The following ADAMTS20 variants were observed in gnomAD, a reference collection of about 807,000 sequenced individuals.
ADAMTS20 encodes the protein ADAM metallopeptidase with thrombospondin type 1 motif 20.
In ADAMTS20, 225 loss-of-function variants were observed where a neutral mutation model predicts 260.1. The ratio of observed to expected loss-of-function variants is 0.87; its 90% CI spans 0.78 to 0.97. The LOEUF is 0.97. Ranked by LOEUF, ADAMTS20 falls within the 50% of genes least tolerant of loss-of-function variation. The probability of loss-of-function intolerance (pLI) is 0.00; values close to 1 mark genes in which losing one functional copy is unlikely to be tolerated. For synonymous variants in ADAMTS20, 802 were observed against 769.5 expected (o/e 1.04, Z -0.70); for missense variants, 2,400 against 2,337.7 (o/e 1.03, Z -0.55).
At chr12:43,496,404 T>C (rs1239357255) in intron 4 of ADAMTS20, among the ~76,000 whole-genome samples, 1 of 152,236 alleles carries the variant, frequency 6.6e-6, no homozygotes, top group Non-Finnish European at 1.5e-5. Context: ...GACTACTTTA[T>C]CTGATCTTTA....
At chr12:43,408,837 G>C (rs1249406855) in intron 28 of ADAMTS20, among the ~76,000 whole-genome samples, 5 of 152,142 alleles carry the variant, frequency 3.3e-5, no homozygotes, top group Non-Finnish European at 5.9e-5. Context: ...GTAGTAGATG[G>C]AATACTAATC....
intron 28 of ADAMTS20, among the ~76,000 whole-genome samples, chr12:43,407,188 T>A (rs1481372726): frequency 6.6e-6 from 1 of 152,040 alleles, no homozygotes; most frequent in Non-Finnish European, 1.5e-5. Flanking sequence ...TAATCATATT[T>A]AAAATTTGTA....
chr12:43,407,265 G>GA (rs543282509), intron 28 of ADAMTS20, among the ~76,000 whole-genome samples: 172 of 151,576 alleles, frequency 1.1e-3, no homozygotes, highest in African/African-American at 3.9e-3. Flanking sequence ...CAACTTAAAG[G>GA]AAAAAACCAA....
intron 15 of ADAMTS20, among the ~76,000 whole-genome samples, chr12:43,444,456 T>C (rs991932225): frequency 7.9e-5 from 12 of 152,146 alleles, no homozygotes; most frequent in Non-Finnish European, 1.3e-4. Context: ...AAATTTTACA[T>C]TATTTTTACA....
At chr12:43,447,829 C>T (rs554779067) in intron 14 of ADAMTS20, among the ~76,000 whole-genome samples, 148 of 152,168 alleles carry the variant, frequency 9.7e-4, no homozygotes, top group Middle Eastern at 3.4e-3. Flanking sequence ...AACTTACTAC[C>T]ATTCCTACAC....
At chr12:43,452,844 CAATT>C in intron 12 of ADAMTS20, 149 bp from the exon 13 acceptor site, 1 of 687,572 alleles carries the variant, frequency 1.5e-6, no homozygotes, top group Non-Finnish European at 2.3e-6. Context: ...GAGTTTTACG[CAATT>C]CTATGCATAA....
chr12:43,495,181 A>G (rs1015753501), intron 4 of ADAMTS20, among the ~76,000 whole-genome samples: 1 of 152,226 alleles, frequency 6.6e-6, no homozygotes, highest in African/African-American at 2.4e-5. Context: ...TCTGCAAGCT[A>G]GAATTTGGAA....
At chr12:43,477,772 G>A (rs1246820932) in intron 7 of ADAMTS20, among the ~76,000 whole-genome samples, 2 of 152,132 alleles carry the variant, frequency 1.3e-5, no homozygotes, top group Non-Finnish European at 2.9e-5. Context: ...ATGCTATTCT[G>A]AGGGCAAATA....
intron 29 of ADAMTS20, among the ~76,000 whole-genome samples, chr12:43,385,304 CTTTT>C (rs779923909): frequency 6.6e-6 from 1 of 151,492 alleles, no homozygotes; most frequent in African/African-American, 2.4e-5. Context: ...AATGGGGTTG[CTTTT>C]TTCTTGTAAA....
Position 43,377,358 on chromosome 12 carries a change from C to A in ADAMTS20, c.4995+7G>T, listed in dbSNP as rs1462922099. 1.2e-6 allele frequency: 2 copies of A among 1,605,400 alleles called. No individual in the cohort carries two copies. The highest frequency in any genetic ancestry group is 3.4e-5 in the Admixed American group (2 of 59,146). On this transcript the variant is annotated splice_region_variant and intron_variant, in intron 32 of 38. Transcript: ENST00000389420. ...AGAAGTTTTAAAATTCATAATTGTA[C>A]ACCGACCTTGCTCCATTTTCCAACT...
chr12:43,380,619 C>T (rs531901175), intron 31 of ADAMTS20, among the ~76,000 whole-genome samples: 181 of 151,872 alleles, frequency 1.2e-3, no homozygotes, highest in Admixed American at 3.6e-3. Context: ...ACACAAGCAA[C>T]GAATAATAAG....
At chr12:43,499,238 T>A (rs139068616) in intron 4 of ADAMTS20, among the ~76,000 whole-genome samples, 157 of 152,286 alleles carry the variant, frequency 1.0e-3, no homozygotes, top group Admixed American at 2.6e-3. Flanking sequence ...ACAAACCAGA[T>A]GACTGCGTCT....
At chr12:43,529,935 G>A (rs995660505) in intron 3 of ADAMTS20, among the ~76,000 whole-genome samples, 1 of 152,078 alleles carries the variant, frequency 6.6e-6, no homozygotes, top group Non-Finnish European at 1.5e-5. Flanking sequence ...ATGAGTATTT[G>A]TTAGCTAATT....
intron 11 of ADAMTS20, among the ~76,000 whole-genome samples, chr12:43,457,936 T>C (rs188182342): frequency 3.3e-4 from 50 of 152,356 alleles, no homozygotes; most frequent in African/African-American, 1.2e-3. Context: ...GTTCTCACAA[T>C]GGCCTGTGTG....
intron 12 of ADAMTS20, among the ~76,000 whole-genome samples, chr12:43,453,107 C>T (rs11608566): frequency 0.024 from 3,648 of 152,170 alleles, 69 homozygotes; most frequent in East Asian, 0.08. Context: ...TCTTATTTAT[C>T]ACTCAATTCA....
intron 28 of ADAMTS20, among the ~76,000 whole-genome samples, chr12:43,417,720 T>C (rs1310717381): frequency 6.6e-6 from 1 of 152,196 alleles, no homozygotes; most frequent in Non-Finnish European, 1.5e-5. Context: ...GCCCAAAACA[T>C]TATTTTTTAG....
downstream of ADAMTS20, among the ~76,000 whole-genome samples, chr12:43,353,165 C>T (rs1939671023): frequency 6.6e-6 from 1 of 151,718 alleles, no homozygotes; most frequent in Admixed American, 6.6e-5. Flanking sequence ...GTTAAATTAT[C>T]TGCATGAAAA....
At chr12:43,483,338 AGACTGGAG>A in intron 7 of ADAMTS20, among the ~76,000 whole-genome samples, 1 of 152,266 alleles carries the variant, frequency 6.6e-6, no homozygotes, top group East Asian at 1.9e-4. Context: ...AAAAGAAACC[AGACTGGAG>A]GCCATGAGCC....
At chr12:43,415,378 G>A (rs942639283) in intron 28 of ADAMTS20, among the ~76,000 whole-genome samples, 2 of 152,150 alleles carry the variant, frequency 1.3e-5, no homozygotes, top group South Asian at 4.1e-4. Flanking sequence ...AGCAACTCCA[G>A]TCCAAATTGA....
Sources: gnomAD v4.1 joint callset for allele counts (sites outside exome capture counted in the v4.1 genomes callset) on GRCh38, gnomAD v4.1.1 for gene constraint, MANE v1.5 for transcripts, NCBI Gene and HGNC (gene_info 2026-07-23, HGNC 2026-07-21) for gene names.